Variants in RNF212B observed in about 807,000 individuals in gnomAD.
RNF212B encodes the protein E3 ubiquitin-protein ligase RNF212B.
A neutral mutation model predicts 55.5 loss-of-function variants in RNF212B; 52 were observed. The observed-to-expected ratio is 0.94, with a 90% CI of 0.75 to 1.18. RNF212B has a LOEUF of 1.18. Ranked by LOEUF, RNF212B falls within the 50% of genes most tolerant of loss-of-function variation. The probability of loss-of-function intolerance (pLI) is 0.00; values close to 1 mark genes in which losing one functional copy is unlikely to be tolerated. For missense variants in RNF212B, 289 were observed against 350.4 expected (o/e 0.82, Z 1.40); for synonymous variants, 99 against 121.4 (o/e 0.82, Z 1.21).
chr14:23,256,818 T>C (rs985205762), intron 4 of RNF212B, among the ~76,000 whole-genome samples: 8 of 152,226 alleles, frequency 5.3e-5, no homozygotes, highest in Non-Finnish European at 8.8e-5. Context: ...TTTCAGGTAG[T>C]TGAGATTACA....
intron 2 of RNF212B, among the ~76,000 whole-genome samples, chr14:23,217,349 T>A (rs773686008): frequency 6.6e-6 from 1 of 152,078 alleles, no homozygotes; most frequent in African/African-American, 2.4e-5. Flanking sequence ...CACTAGGACA[T>A]CAGCTAAACT....
At chr14:23,229,022 T>A (rs1882287853) in intron 2 of RNF212B, among the ~76,000 whole-genome samples, 1 of 151,742 alleles carries the variant, frequency 6.6e-6, no homozygotes, top group African/African-American at 2.4e-5. Context: ...TTACTTCCTA[T>A]CTCTCATACC....
intron 1 of RNF212B, among the ~76,000 whole-genome samples, chr14:23,191,213 G>A (rs1878085059): frequency 6.6e-6 from 1 of 151,940 alleles, no homozygotes; most frequent in Admixed American, 6.6e-5. Flanking sequence ...AATTAACCAG[G>A]GCTGGTGGCG....
In RNF212B at chr14:23,223,979, C is replaced by A. The variant is rs114709939; in HGVS notation, c.-1-16366C>A. Among the ~76,000 whole-genome samples the A allele has an allele frequency of 8.7e-3, 1,321 of 152,132 alleles. 24 individuals carry two copies. The highest frequency in any genetic ancestry group is 0.03 in the African/African-American group (1,250 of 41,512). ...TCTGAAAGAGAAATAAAAAAGTAAT[C>A]TTATTTACAACAGCCACATATAAAA... On this transcript the variant is annotated intron_variant, in intron 2 of 15. Transcript: ENST00000399910.
intron 7 of RNF212B, among the ~76,000 whole-genome samples, chr14:23,262,107 T>A (rs1017001392): frequency 3.9e-5 from 6 of 152,336 alleles, no homozygotes; most frequent in Middle Eastern, 6.8e-3. Flanking sequence ...CAGTCTAATG[T>A]TCTTTTGTCC....
intron 4 of RNF212B, among the ~76,000 whole-genome samples, chr14:23,257,574 A>C (rs1397249659): frequency 6.6e-6 from 1 of 152,194 alleles, no homozygotes; most frequent in East Asian, 1.9e-4. Flanking sequence ...AAGAGGGTTT[A>C]TAGTCTGAAC....
chr14:23,212,738 G>A (rs2140392756), intron 2 of RNF212B, among the ~76,000 whole-genome samples: 1 of 151,826 alleles, frequency 6.6e-6, no homozygotes, highest in Admixed American at 6.6e-5. Flanking sequence ...ATGTTGCCCA[G>A]GGTGGTCCCC....
At chr14:23,226,584 T>A (rs891951189) in intron 2 of RNF212B, among the ~76,000 whole-genome samples, 8 of 151,840 alleles carry the variant, frequency 5.3e-5, no homozygotes, top group African/African-American at 1.9e-4. Flanking sequence ...TGAGCCGAGA[T>A]CGCGCCACCA....
At chr14:23,187,365 T>C (rs1877700889) in intron 1 of RNF212B, among the ~76,000 whole-genome samples, 1 of 152,094 alleles carries the variant, frequency 6.6e-6, no homozygotes, top group African/African-American at 2.4e-5. Context: ...CCCCCTTTTT[T>C]AGAGACAAGG....
chr14:23,262,898 C>T, intron 8 of RNF212B, 30 bp from the exon 9 acceptor site: 1 of 1,549,840 alleles, frequency 6.5e-7, no homozygotes, highest in Non-Finnish European at 8.7e-7. Context: ...TTGATGGCAA[C>T]TTTTTATTCT....
intron 2 of RNF212B, among the ~76,000 whole-genome samples, chr14:23,200,727 G>A (rs971163414): frequency 2.0e-5 from 3 of 152,044 alleles, no homozygotes; most frequent in African/African-American, 4.8e-5. Flanking sequence ...CCCTGTACAC[G>A]GACTGTGTAC....
intron 2 of RNF212B, among the ~76,000 whole-genome samples, chr14:23,208,995 TGA>T (rs1215477328): frequency 6.6e-6 from 1 of 152,048 alleles, no homozygotes; most frequent in African/African-American, 2.4e-5. Flanking sequence ...CCTGACCTCG[TGA>T]TCCGCCCGCC....
At chr14:23,251,300 A>G (rs945640291) in intron 4 of RNF212B, among the ~76,000 whole-genome samples, 1 of 152,200 alleles carries the variant, frequency 6.6e-6, no homozygotes, top group African/African-American at 2.4e-5. Context: ...GAGTTTTAGT[A>G]TCATACTTCA....
At chr14:23,261,968 A>AAAAC (rs148447175) in intron 7 of RNF212B, among the ~76,000 whole-genome samples, 59,773 of 150,974 alleles carry the variant, frequency 0.4, 11,866 homozygotes, top group East Asian at 0.42. Flanking sequence ...ACTCTGTCTC[A>AAAAC]AAACAAACAA....
At chr14:23,213,691 ACCTAAACAGG>A (rs1880785600) in intron 2 of RNF212B, among the ~76,000 whole-genome samples, 1 of 128,936 alleles carries the variant, frequency 7.8e-6, no homozygotes, top group African/African-American at 4.4e-5. Context: ...TGTGTGCTCT[ACCTAAACAGG>A]GTGACTGCAT....
At chr14:23,227,152 T>G (rs975209822) in intron 2 of RNF212B, among the ~76,000 whole-genome samples, 1 of 152,056 alleles carries the variant, frequency 6.6e-6, no homozygotes, top group African/African-American at 2.4e-5. Context: ...GAGTCAAGGG[T>G]ATATGGAACC....
intron 6 of RNF212B, 43 bp from the exon 7 acceptor site, chr14:23,260,616 C>T (rs1885223914): frequency 6.5e-7 from 1 of 1,538,080 alleles, no homozygotes; most frequent in Middle Eastern, 1.7e-4. Context: ...TGATTAGGAT[C>T]CTCAGTTGCA....
In RNF212B at chr14:23,237,971, T is replaced by C. The variant is rs534162419; in HGVS notation, c.-86T>C. 6.6e-6 allele frequency among the ~76,000 whole-genome samples: 1 copy of C among 152,348 alleles called. No individual in the cohort carries two copies. The highest frequency in any genetic ancestry group is 1.5e-5 in the Non-Finnish European group (1 of 68,028). On this transcript the variant is annotated 5_prime_UTR_variant, in exon 1 of 15. Transcript: ENST00000430154. ...ACCCGGTGCCAAGCCAGCTGTTTAC[T>C]TTCCCGCCATGTCCAGCTCTTCGTG...
chr14:23,272,744 A>C, intron 14 of RNF212B, 79 bp from the exon 15 acceptor site: 1 of 872,920 alleles, frequency 1.1e-6, no homozygotes, highest in Non-Finnish European at 1.9e-6. Context: ...GATAAGCTTC[A>C]TACAACAGGT....
Sources: allele counts gnomAD v4.1 joint callset (sites outside exome capture counted in the v4.1 genomes callset), GRCh38; gene constraint gnomAD v4.1.1; transcripts MANE v1.5; gene names NCBI Gene and HGNC (gene_info 2026-07-23, HGNC 2026-07-21).